ODAD2: variants seen among roughly 807,000 people sequenced by gnomAD.
The protein encoded by ODAD2 is outer dynein arm docking complex subunit 2, also known as outer dynein arm-docking complex subunit 2.
ODAD2 carries 89 observed loss-of-function variants against 106.8 expected under a neutral mutation model. The ratio of observed to expected loss-of-function variants is 0.83; its 90% CI spans 0.70 to 0.99. The LOEUF (loss-of-function observed/expected upper bound fraction) is 0.99, where lower values mean the gene tolerates loss of function less well. ODAD2 is among the 50% of genes least tolerant of loss of function. The pLI, the probability that ODAD2 is intolerant of heterozygous loss-of-function variation, is 0.00. For missense variants in ODAD2, 1,168 were observed against 1,238.5 expected, an observed-to-expected ratio of 0.94 and a Z score of 0.85; for synonymous variants, 404 against 436.2, an observed-to-expected ratio of 0.93 and a Z score of 0.92.
At chr10:27,875,447 T>G (rs1018096410) in intron 17 of ODAD2, among the ~76,000 whole-genome samples, 2 of 152,158 alleles carry the variant, frequency 1.3e-5, no homozygotes, top group Non-Finnish European at 2.9e-5. Context: ...TTTAGAATTT[T>G]CAGCTTTTCT....
chr10:27,856,645 C>A (rs1306683311), intron 19 of ODAD2, among the ~76,000 whole-genome samples: 3 of 152,156 alleles, frequency 2.0e-5, no homozygotes, highest in African/African-American at 7.2e-5. Context: ...AACCGCTAGC[C>A]ACTAGTGAGC....
chr10:27,859,679 T>G (rs567059518), intron 19 of ODAD2, among the ~76,000 whole-genome samples: 3 of 152,356 alleles, frequency 2.0e-5, no homozygotes, highest in Admixed American at 2.0e-4. Context: ...AGAAAAGAAC[T>G]AATATTTTAA....
chr10:27,844,518 G>C (rs563200413), intron 19 of ODAD2, among the ~76,000 whole-genome samples: 1 of 152,144 alleles, frequency 6.6e-6, no homozygotes, highest in Non-Finnish European at 1.5e-5. Context: ...ACCTTCCAAT[G>C]GTGGTTCAGA....
chr10:27,932,474 G>A (rs541931050), intron 16 of ODAD2, among the ~76,000 whole-genome samples: 3 of 152,312 alleles, frequency 2.0e-5, no homozygotes, highest in Non-Finnish European at 4.4e-5. Flanking sequence ...GTCACAGAAA[G>A]ATTAAAAGAT....
intron 19 of ODAD2, among the ~76,000 whole-genome samples, chr10:27,839,883 A>G (rs1279181699): frequency 6.6e-6 from 1 of 152,234 alleles, no homozygotes; most frequent in African/African-American, 2.4e-5. Context: ...CTATAATCAC[A>G]AAGTATTTGA....
intron 7 of ODAD2, among the ~76,000 whole-genome samples, chr10:27,979,035 C>A (rs1221381803): frequency 6.6e-6 from 1 of 151,912 alleles, no homozygotes; most frequent in Non-Finnish European, 1.5e-5. Context: ...CATGGTGAAA[C>A]CCCATCTCTA....
intron 19 of ODAD2, among the ~76,000 whole-genome samples, chr10:27,830,213 G>A (rs185187909): frequency 9.9e-5 from 15 of 152,242 alleles, no homozygotes; most frequent in Middle Eastern, 3.4e-3. Flanking sequence ...TGGTTTCCCG[G>A]AATGTCTTTC....
intron 6 of ODAD2, among the ~76,000 whole-genome samples, chr10:27,982,163 A>AATAT (rs33935473): frequency 1.2e-4 from 18 of 151,356 alleles, no homozygotes; most frequent in Admixed American, 7.3e-4. Context: ...TCCATAACAG[A>AATAT]ATATATATAT....
At chr10:27,881,367 G>T (rs371674436) in intron 17 of ODAD2, among the ~76,000 whole-genome samples, 1 of 151,964 alleles carries the variant, frequency 6.6e-6, no homozygotes, top group African/African-American at 2.4e-5. Context: ...CCCAAAGAAG[G>T]CCAGGAGTGG....
intron 2 of ODAD2, among the ~76,000 whole-genome samples, chr10:27,988,337 CTTTT>C (rs5784035): frequency 4.7e-5 from 6 of 128,750 alleles, no homozygotes; most frequent in Admixed American, 8.0e-5. Flanking sequence ...CCTGATCTAG[CTTTT>C]TTTTTTTTTT....
chr10:27,896,749 C>T (rs959829553), intron 17 of ODAD2, among the ~76,000 whole-genome samples: 3 of 151,986 alleles, frequency 2.0e-5, no homozygotes, highest in Non-Finnish European at 2.9e-5. Context: ...TTTCTAGATA[C>T]GTAGATATAT....
chr10:27,984,897 A>G (rs1849777399), intron 4 of ODAD2, 122 bp downstream of exon 4: 2 of 432,892 alleles, frequency 4.6e-6, no homozygotes, highest in East Asian at 8.1e-5. Context: ...TTTAATTGTA[A>G]TATTTTATTA....
chr10:27,990,293 G>A (rs1418728396), intron 2 of ODAD2, among the ~76,000 whole-genome samples: 1 of 151,916 alleles, frequency 6.6e-6, no homozygotes, highest in Non-Finnish European at 1.5e-5. Flanking sequence ...GACTACAGCC[G>A]CACGCCACCA....
intron 19 of ODAD2, among the ~76,000 whole-genome samples, chr10:27,850,158 A>T (rs920354335): frequency 3.3e-5 from 5 of 152,130 alleles, no homozygotes; most frequent in African/African-American, 4.8e-5. Context: ...TAAAGTGAAA[A>T]CATTTGCTGG....
chr10:27,934,917 C>T, intron 16 of ODAD2, 93 bp downstream of exon 16: 3 of 1,419,180 alleles, frequency 2.1e-6, no homozygotes, highest in South Asian at 1.3e-5. Flanking sequence ...ATCATTCGTG[C>T]ACATCAATTC....
intron 1 of ODAD2, 133 bp from the exon 2 acceptor site, chr10:27,995,313 T>C: frequency 3.0e-6 from 3 of 1,006,816 alleles, no homozygotes; most frequent in Non-Finnish European, 4.2e-6. Context: ...TCTTTTAACA[T>C]TATCTAATTG....
intron 19 of ODAD2, among the ~76,000 whole-genome samples, chr10:27,833,421 G>A (rs954609496): frequency 2.0e-5 from 3 of 152,000 alleles, no homozygotes; most frequent in East Asian, 1.9e-4. Context: ...CTAGCAGCAC[G>A]GAAAATACAG....
chr10:27,911,667 A>T (rs1844024738), intron 16 of ODAD2, among the ~76,000 whole-genome samples: 1 of 152,112 alleles, frequency 6.6e-6, no homozygotes. Flanking sequence ...GTAATCCATC[A>T]CTTAAGGTCT....
At chr10:27,876,741 C>T (rs374828564) in intron 17 of ODAD2, among the ~76,000 whole-genome samples, 4 of 152,044 alleles carry the variant, frequency 2.6e-5, no homozygotes, top group South Asian at 2.1e-4. Flanking sequence ...GGAAAATATC[C>T]GGGGTCAGCT....
Sources: allele counts gnomAD v4.1 joint callset (sites outside exome capture counted in the v4.1 genomes callset), GRCh38; gene constraint gnomAD v4.1.1; transcripts MANE v1.5; gene names NCBI Gene and HGNC (gene_info 2026-07-23, HGNC 2026-07-21).